Variants in SYNPR observed in about 807,000 individuals in gnomAD.
SYNPR encodes the protein synaptoporin.
Under a neutral mutation model 32.9 loss-of-function variants are expected in SYNPR, and 23 were observed. The ratio of observed to expected loss-of-function variants is 0.70; its 90% CI spans 0.50 to 0.99. The LOEUF is 0.99. Among genes scored for constraint, SYNPR ranks in the 50% least tolerant of loss-of-function variants. The pLI is 0.00. For missense variants in SYNPR, 318 were observed against 349.3 expected (o/e 0.91, Z 0.71); for synonymous variants, 146 against 135.9 (o/e 1.07, Z -0.52).
At chr3:63,451,276 C>T (rs76685251) in intron 2 of SYNPR, among the ~76,000 whole-genome samples, 3,231 of 152,144 alleles carry the variant, frequency 0.021, 109 homozygotes, top group African/African-American at 0.073. Context: ...TCCATGCCCT[C>T]GATGAGTGCT....
At chr3:63,399,674 C>A (rs186603074) in intron 2 of SYNPR, among the ~76,000 whole-genome samples, 2 of 152,242 alleles carry the variant, frequency 1.3e-5, no homozygotes, top group East Asian at 3.9e-4. Flanking sequence ...AACATTCAGA[C>A]CATAGCAGGT....
intron 2 of SYNPR, among the ~76,000 whole-genome samples, chr3:63,284,322 A>G (rs776376358): frequency 3.3e-5 from 5 of 152,332 alleles, no homozygotes; most frequent in Middle Eastern, 3.4e-3. Context: ...AAGGTCATCA[A>G]AAGAACTTAA....
At position 63,361,430 on chromosome 3, in the gene SYNPR, T is replaced by TA. The variant is rs760618025; in HGVS notation, c.84+82697dup. ...GTACATGGTGAAACCCCATCTCTAC[T>TA]AAAAAAAAATACAAAAAATTAGCTG... is the stretch of plus-strand genomic sequence containing the variant. On this transcript the variant is annotated intron_variant, in intron 2 of 5. Coordinates refer to ENST00000478300, the MANE Select transcript of SYNPR (RefSeq NM_001130003.2). 4.7e-3 allele frequency among the ~76,000 whole-genome samples: 712 copies of TA among 150,034 alleles called. 3 individuals carry two copies. The highest frequency in any genetic ancestry group is 7.0e-3 in the African/African-American group (287 of 40,948).
chr3:63,350,834 C>A (rs1004181012), intron 2 of SYNPR, among the ~76,000 whole-genome samples: 11 of 152,188 alleles, frequency 7.2e-5, no homozygotes, highest in African/African-American at 2.4e-4. Flanking sequence ...TGGGCCAAAT[C>A]ATGTCTATAG....
chr3:63,430,041 G>A (rs760242386), intron 2 of SYNPR, among the ~76,000 whole-genome samples: 7 of 152,264 alleles, frequency 4.6e-5, no homozygotes, highest in African/African-American at 9.6e-5. Context: ...CATATCCTTC[G>A]TCTGATTTTT....
At chr3:63,254,653 G>T (rs370694029) in intron 2 of SYNPR, among the ~76,000 whole-genome samples, 5 of 152,112 alleles carry the variant, frequency 3.3e-5, no homozygotes, top group African/African-American at 4.8e-5. Context: ...GGGGAAGGGG[G>T]TCTGTCATAT....
chr3:63,333,355 G>A lies in SYNPR; in HGVS notation c.84+54613G>A, dbSNP rs1369928533. On this transcript the variant is annotated intron_variant, in intron 2 of 5. Transcript: ENST00000478300. ...TGAATCTAAAAAAAAAAAAAGCAAA[G>A]AGAAGAGCCCCAATTTCAAGGGAAG... Among the ~76,000 whole-genome samples, 5 of 150,602 alleles carry A rather than the reference G, an allele frequency of 3.3e-5. No individual in the cohort carries two copies. The East Asian group carries it at 9.8e-4, about 29-fold the overall frequency.
intron 3 of SYNPR, among the ~76,000 whole-genome samples, chr3:63,503,852 T>G (rs1701532442): frequency 6.6e-6 from 1 of 151,914 alleles, no homozygotes; most frequent in African/African-American, 2.4e-5. Flanking sequence ...AGGTGATGAG[T>G]CTGAAAAAAA....
intron 2 of SYNPR, among the ~76,000 whole-genome samples, chr3:63,420,827 G>A (rs1222731765): frequency 6.6e-6 from 1 of 152,150 alleles, no homozygotes; most frequent in African/African-American, 2.4e-5. Flanking sequence ...ATAAATCAGT[G>A]AGAAAAAATA....
At position 63,424,706 on chromosome 3, in the gene SYNPR, C is replaced by T. The variant is rs6803498; in HGVS notation, c.85-56126C>T. Among the ~76,000 whole-genome samples, 1,503 of 152,216 alleles carry T rather than the reference C, an allele frequency of 9.9e-3. 23 individuals are homozygous for T. Among genetic ancestry groups the T allele is most frequent in the African/African-American group, 0.033 (1,366 of 41,514 alleles). On this transcript the variant is annotated intron_variant, in intron 2 of 5. Coordinates refer to ENST00000478300, the MANE Select transcript of SYNPR (RefSeq NM_001130003.2). Reference sequence around the variant, plus strand: ...GCACACACCAAAATGTACACAATATCGACAATCCCTTTGATAATATGGGGC... The same window carrying T: ...GCACACACCAAAATGTACACAATATTGACAATCCCTTTGATAATATGGGGC...
At chr3:63,614,298 C>G (rs1245080989) in intron 5 of SYNPR, among the ~76,000 whole-genome samples, 2 of 152,206 alleles carry the variant, frequency 1.3e-5, no homozygotes, top group East Asian at 3.8e-4. Flanking sequence ...GTCAATCAAC[C>G]AGCCTTGGAA....
At chr3:63,578,513 G>C (rs770208630) in intron 4 of SYNPR, among the ~76,000 whole-genome samples, 44 of 152,232 alleles carry the variant, frequency 2.9e-4, no homozygotes, top group South Asian at 2.1e-4. Context: ...CAGGAAGAGA[G>C]AGGAGGTGTG....
chr3:63,489,440 G>A (rs1014253001), intron 3 of SYNPR, among the ~76,000 whole-genome samples: 3 of 152,190 alleles, frequency 2.0e-5, no homozygotes, highest in Non-Finnish European at 4.4e-5. Flanking sequence ...CAGAAATGGT[G>A]AGAACAAGAG....
intron 3 of SYNPR, among the ~76,000 whole-genome samples, chr3:63,486,782 T>G (rs1216251619): frequency 6.6e-6 from 1 of 152,182 alleles, no homozygotes. Context: ...TGGAAATCAG[T>G]TACTTCAGTT....
chr3:63,238,979 G>C (rs1181722586), intron 1 of SYNPR, among the ~76,000 whole-genome samples: 1 of 152,108 alleles, frequency 6.6e-6, no homozygotes, highest in Non-Finnish European at 1.5e-5. Context: ...AAAGGAATTA[G>C]TAAGATTTTT....
intron 2 of SYNPR, among the ~76,000 whole-genome samples, chr3:63,446,237 A>G (rs925156767): frequency 1.3e-5 from 2 of 151,628 alleles, no homozygotes; most frequent in African/African-American, 4.8e-5. Context: ...ATTTTTGGAG[A>G]GCTTTACAAA....
chr3:63,349,508 G>C (rs1343358414), intron 2 of SYNPR, among the ~76,000 whole-genome samples: 1 of 152,050 alleles, frequency 6.6e-6, no homozygotes, highest in East Asian at 1.9e-4. Flanking sequence ...AATTTTCTTT[G>C]TAGGGATCTT....
In SYNPR at chr3:63,589,785, G is replaced by C. The variant is rs1304440943; in HGVS notation, c.409-19340G>C. Among the ~76,000 whole-genome samples the C allele has an allele frequency of 4.9e-5, 4 of 81,278 alleles. No individual in the cohort carries two copies. The Admixed American group carries it at 6.2e-4, about 13-fold the overall frequency. 53.3% of individuals were successfully genotyped at this position (81,278 alleles called of 152,430 possible). ...CATGCTAAAAACTCTCAATAAATTA[G>C]GTATTGATGGGACGTATTTCAAAAT... On this transcript the variant is annotated intron_variant, in intron 4 of 5. Transcript: ENST00000478300.
intron 3 of SYNPR, among the ~76,000 whole-genome samples, chr3:63,530,185 C>A (rs1702085600): frequency 6.6e-6 from 1 of 152,106 alleles, no homozygotes; most frequent in Non-Finnish European, 1.5e-5. Flanking sequence ...AACTCTTTTT[C>A]CTGCTTTTTG....
Sources: gnomAD v4.1 joint callset for allele counts (sites outside exome capture counted in the v4.1 genomes callset) on GRCh38, gnomAD v4.1.1 for gene constraint, MANE v1.5 for transcripts, NCBI Gene and HGNC (gene_info 2026-07-23, HGNC 2026-07-21) for gene names.